SGCD: variants seen among roughly 807,000 people sequenced by gnomAD.
SGCD encodes sarcoglycan delta.
In SGCD, 18 loss-of-function variants were observed where a neutral mutation model predicts 36.6. That is an observed-to-expected ratio of 0.49 (90% CI 0.34 to 0.73). SGCD has a LOEUF of 0.73. SGCD is among the 30% of genes least tolerant of loss of function. The pLI, the probability that SGCD is intolerant of heterozygous loss-of-function variation, is 0.01. For synonymous variants in SGCD, 133 were observed against 130.6 expected (o/e 1.02, Z -0.12); for missense variants, 387 against 346.7 (o/e 1.12, Z -0.92).
intron 7 of SGCD, among the ~76,000 whole-genome samples, chr5:156,732,925 C>T (rs938708236): frequency 6.6e-6 from 1 of 151,982 alleles, no homozygotes; most frequent in African/African-American, 2.4e-5. Flanking sequence ...GTAACATCTC[C>T]CTTGTCGTTT....
intron 1 of SGCD, among the ~76,000 whole-genome samples, chr5:155,881,693 G>C (rs1206553597): frequency 6.6e-6 from 1 of 152,136 alleles, no homozygotes; most frequent in Non-Finnish European, 1.5e-5. Flanking sequence ...CTGTTTGATA[G>C]GGTTTTACCC....
rs553714896 is a variant in SGCD at position 156,444,811 on chromosome 5, A to T, written c.193-63790A>T. ...CATCAACATTTTTAAGCTTAAAAAA[A>T]TGTTAGAGAAAGAACTCTTTCACAT... On this transcript the variant is annotated intron_variant, in intron 3 of 8. Transcript: ENST00000337851. 3.3e-5 allele frequency among the ~76,000 whole-genome samples: 5 copies of T among 152,318 alleles called. No individual in the cohort carries two copies. The East Asian group carries it at 5.8e-4, about 18-fold the overall frequency.
At chr5:156,032,700 C>A (rs181263687) in intron 1 of SGCD, among the ~76,000 whole-genome samples, 1 of 75,030 alleles carries the variant, frequency 1.3e-5, no homozygotes, top group Admixed American at 1.8e-4. Context: ...GAGCAAGACT[C>A]CGTCTCAAAA....
intron 3 of SGCD, among the ~76,000 whole-genome samples, chr5:156,186,463 A>G (rs1357060411): frequency 6.6e-6 from 1 of 152,158 alleles, no homozygotes; most frequent in Non-Finnish European, 1.5e-5. Context: ...AGGACACATG[A>G]GATCATTCTC....
the SGCD span, among the ~76,000 whole-genome samples, chr5:155,748,334 A>T: frequency 6.6e-6 from 1 of 151,936 alleles, no homozygotes; most frequent in East Asian, 1.9e-4. Flanking sequence ...TTTCTTGATG[A>T]TTGAAATATT....
At chr5:156,534,106 C>A (rs942706493) in intron 4 of SGCD, among the ~76,000 whole-genome samples, 1 of 151,822 alleles carries the variant, frequency 6.6e-6, no homozygotes, top group Admixed American at 6.6e-5. Context: ...TAAGAGTTTT[C>A]CAGGTTATTT....
At chr5:155,980,649 G>GATAGCAT (rs1244522868) in intron 1 of SGCD, among the ~76,000 whole-genome samples, 1 of 118,656 alleles carries the variant, frequency 8.4e-6, no homozygotes, top group Non-Finnish European at 1.7e-5. Context: ...AGTTCTTACT[G>GATAGCAT]ATAGCATAGA....
At chr5:156,407,925 G>T (rs1159284460) in intron 3 of SGCD, among the ~76,000 whole-genome samples, 2 of 152,170 alleles carry the variant, frequency 1.3e-5, no homozygotes, top group African/African-American at 4.8e-5. Context: ...TTATGGTGTT[G>T]TCCTTAACAT....
At chr5:156,447,382 G>A (rs551151254) in intron 3 of SGCD, among the ~76,000 whole-genome samples, 27 of 152,242 alleles carry the variant, frequency 1.8e-4, no homozygotes, top group Non-Finnish European at 3.4e-4. Flanking sequence ...TGAGAACACA[G>A]CAGTGTGGCC....
intron 2 of SGCD, among the ~76,000 whole-genome samples, chr5:156,333,078 A>G (rs960722411): frequency 5.9e-5 from 9 of 152,246 alleles, no homozygotes; most frequent in African/African-American, 2.2e-4. Flanking sequence ...AAAAATATGT[A>G]AAATGACCAA....
At chr5:155,893,482 AC>A (rs1756181978) in intron 1 of SGCD, among the ~76,000 whole-genome samples, 1 of 152,210 alleles carries the variant, frequency 6.6e-6, no homozygotes, top group Non-Finnish European at 1.5e-5. Flanking sequence ...TTATCTGAAT[AC>A]TTAGCCTTAT....
the SGCD span, among the ~76,000 whole-genome samples, chr5:155,845,681 C>A: frequency 2.6e-5 from 4 of 152,332 alleles, no homozygotes; most frequent in Admixed American, 2.0e-4. Context: ...CGGTTGTAAC[C>A]ACAGTGGTGA....
At chr5:156,428,135 G>T (rs1773757078) in intron 3 of SGCD, among the ~76,000 whole-genome samples, 2 of 151,984 alleles carry the variant, frequency 1.3e-5, no homozygotes, top group African/African-American at 4.8e-5. Flanking sequence ...TTAATGTCTG[G>T]TAGAATTCTG....
chr5:156,040,251 A>G (rs1371980684), intron 1 of SGCD, among the ~76,000 whole-genome samples: 1 of 152,196 alleles, frequency 6.6e-6, no homozygotes, highest in East Asian at 1.9e-4. Context: ...ATGTAGCACT[A>G]CTGTGCTACA....
chr5:155,806,257 C>A, the SGCD span, among the ~76,000 whole-genome samples: 1 of 152,144 alleles, frequency 6.6e-6, no homozygotes, highest in Non-Finnish European at 1.5e-5. Flanking sequence ...TGGGTTCAAG[C>A]GATTCTCCTG....
intron 6 of SGCD, among the ~76,000 whole-genome samples, chr5:156,642,610 A>G (rs533445271): frequency 6.6e-6 from 1 of 152,032 alleles, no homozygotes; most frequent in African/African-American, 2.4e-5. Context: ...TTGAGATTAC[A>G]GGCTCATGCC....
chr5:156,328,613 G>A (rs889446684), intron 1 of SGCD, among the ~76,000 whole-genome samples: 2 of 152,068 alleles, frequency 1.3e-5, no homozygotes, highest in Non-Finnish European at 2.9e-5. Context: ...TGTCCTGTTG[G>A]TAGAAGGTCA....
intron 3 of SGCD, among the ~76,000 whole-genome samples, chr5:156,158,936 A>G (rs1363713050): frequency 1.3e-5 from 2 of 151,444 alleles, no homozygotes; most frequent in African/African-American, 4.9e-5. Flanking sequence ...AAAAAAAAAT[A>G]CTTAGATATG....
chr5:155,779,388 T>A, the SGCD span, among the ~76,000 whole-genome samples: 1 of 152,032 alleles, frequency 6.6e-6, no homozygotes, highest in African/African-American at 2.4e-5. Flanking sequence ...CAGTGAACTG[T>A]GATCCTGCCA....
Sources: allele counts gnomAD v4.1 joint callset (sites outside exome capture counted in the v4.1 genomes callset), GRCh38; gene constraint gnomAD v4.1.1; transcripts MANE v1.5; gene names NCBI Gene and HGNC (gene_info 2026-07-23, HGNC 2026-07-21).